Variants in GLB1L3 observed in about 807,000 individuals in gnomAD.
GLB1L3 encodes galactosidase beta 1 like 3, also known as beta-galactosidase-1-like protein 3.
Under a neutral mutation model 89.5 loss-of-function variants are expected in GLB1L3, and 89 were observed. The ratio of observed to expected loss-of-function variants is 0.99; its 90% CI spans 0.84 to 1.19. The LOEUF (loss-of-function observed/expected upper bound fraction) is 1.19. Among genes scored for constraint, GLB1L3 ranks in the 50% most tolerant of loss-of-function variants. The pLI, the probability that GLB1L3 is intolerant of heterozygous loss-of-function variation, is 0.00. For missense variants in GLB1L3, 812 were observed against 813.3 expected (o/e 1.00, Z 0.02); for synonymous variants, 314 against 312.3 (o/e 1.01, Z -0.06).
At chr11:134,308,557 CACCACCACCACCACCAT>C in intron 10 of GLB1L3, among the ~76,000 whole-genome samples, 1 of 3,622 alleles carries the variant, frequency 2.8e-4, no homozygotes, top group Admixed American at 4.9e-3. Flanking sequence ...CCATCACCAT[CACCACCACCACCACCAT>C]CACCATCACC....
chr11:134,287,080 GA>G (rs368578976), intron 6 of GLB1L3: 19 of 151,702 alleles, frequency 1.3e-4, no homozygotes, highest in South Asian at 4.2e-4. Context: ...AGAATGACGT[GA>G]ACCCGGGAGG....
chr11:134,315,079 A>T (rs1942924658), intron 18 of GLB1L3, among the ~76,000 whole-genome samples: 1 of 152,212 alleles, frequency 6.6e-6, no homozygotes, highest in Admixed American at 6.5e-5. Flanking sequence ...CTTTATGTAA[A>T]TGGAATCATA....
chr11:134,310,944 A>G (rs1372501640), intron 12 of GLB1L3, 120 bp from the exon 13 acceptor site: 9 of 731,336 alleles, frequency 1.2e-5, no homozygotes, highest in Non-Finnish European at 4.8e-6. Flanking sequence ...CTCTTATACC[A>G]TGGATGACAT....
At chr11:134,282,326 C>T (rs1940742712) in intron 5 of GLB1L3, among the ~76,000 whole-genome samples, 2 of 152,082 alleles carry the variant, frequency 1.3e-5, no homozygotes, top group South Asian at 4.1e-4. Flanking sequence ...AGTTGTCATC[C>T]CCGATTCACA....
intron 18 of GLB1L3, among the ~76,000 whole-genome samples, chr11:134,315,193 C>T (rs1240732871): frequency 6.6e-6 from 1 of 152,164 alleles, no homozygotes; most frequent in Non-Finnish European, 1.5e-5. Flanking sequence ...GTATTGGGTT[C>T]ATTTAGTAAA....
intron 5 of GLB1L3, 124 bp from the exon 6 acceptor site, chr11:134,283,605 ACCCGAGTG>A (rs1358669629): frequency 3.0e-5 from 18 of 598,460 alleles, no homozygotes; most frequent in Middle Eastern, 4.4e-4. Context: ...TCTTTCCAGG[ACCCGAGTG>A]CTCCGGGACC....
chr11:134,280,639 T>C (rs2136107821), intron 3 of GLB1L3, among the ~76,000 whole-genome samples: 1 of 152,304 alleles, frequency 6.6e-6, no homozygotes, highest in East Asian at 1.9e-4. Context: ...AGCTATGTTG[T>C]AACTTACAAC....
Position 134,277,313 on chromosome 11 carries a change from T to C in GLB1L3, c.24-13T>C. The stretch of plus-strand genomic sequence containing the variant: ...AACCTTCCCCTTGTCACTGTTGTCC[T>C]TTCTCCTTTCAGCCCGTGTCTCTCC... On this transcript the variant is annotated splice_polypyrimidine_tract_variant and intron_variant, in intron 1 of 19. Coordinates refer to ENST00000431683, the MANE Select transcript of GLB1L3 (RefSeq NM_001080407.3). The C allele has an allele frequency of 1.9e-6, 3 of 1,613,896 alleles. No individual in the cohort carries two copies. Among genetic ancestry groups the C allele is most frequent in the Non-Finnish European group, 2.5e-6 (3 of 1,179,876 alleles).
chr11:134,309,598 C>T (rs1942620522), intron 10 of GLB1L3, 28 bp from the exon 11 acceptor site: 3 of 1,536,034 alleles, frequency 2.0e-6, no homozygotes, highest in African/African-American at 1.4e-5. Flanking sequence ...TTCTAACATT[C>T]TCTGTGTTCT....
chr11:134,312,563 T>C, intron 14 of GLB1L3, 74 bp downstream of exon 14: 3 of 1,549,724 alleles, frequency 1.9e-6, no homozygotes, highest in Non-Finnish European at 2.6e-6. Flanking sequence ...GGTAGTTGAC[T>C]GAAGGATGCA....
intron 1 of GLB1L3, 132 bp downstream of exon 1, chr11:134,276,895 C>A: frequency 1.2e-6 from 1 of 801,378 alleles, no homozygotes; most frequent in Non-Finnish European, 1.7e-6. Flanking sequence ...CCACCAAGCC[C>A]GCTGTCCCCA....
chr11:134,283,974 G>A, intron 6 of GLB1L3, 129 bp downstream of exon 6: 2 of 645,728 alleles, frequency 3.1e-6, no homozygotes, highest in South Asian at 3.7e-5. Context: ...GTAACCTTGA[G>A]TTCTGGACCC....
chr11:134,313,252 C>A, intron 15 of GLB1L3, 144 bp from the exon 16 acceptor site: 1 of 642,684 alleles, frequency 1.6e-6, no homozygotes, highest in Non-Finnish European at 2.8e-6. Context: ...ACAAGGCAGT[C>A]CTTAGGTGAA....
In GLB1L3 at chr11:134,277,355, GCATCTTTTTCCTGCCATTTATCT is replaced by G; in HGVS notation, c.58_80del (p.Phe20ArgfsTer7). On this transcript the variant is annotated frameshift_variant, in exon 2 of 20. Transcript: ENST00000431683. LOFTEE classifies it high-confidence loss of function. ...TGTCTCTCCTGGAAGAGAATGGCGG[GCATCTTTTTCCTGCCATTTATCT>G]CATCAGGTTTTGCTCCTCGGTTTAA... is the stretch of plus-strand genomic sequence containing the variant. 6.2e-7 allele frequency: 1 copy of G among 1,613,918 alleles called. No individual in the cohort carries two copies. Among genetic ancestry groups the G allele is most frequent in the Non-Finnish European group, 8.5e-7 (1 of 1,179,878 alleles).
intron 13 of GLB1L3, 60 bp from the exon 14 acceptor site, chr11:134,312,288 AG>A: frequency 2.5e-6 from 4 of 1,583,556 alleles, no homozygotes; most frequent in Non-Finnish European, 3.4e-6. Flanking sequence ...ACAGGGTCTT[AG>A]GAAGGAGGAT....
In GLB1L3 at chr11:134,310,668, TA is replaced by T; in HGVS notation, c.1180+19del. The T allele has an allele frequency of 6.3e-7, 1 of 1,588,336 alleles. No homozygotes were observed. The highest frequency in any genetic ancestry group is 8.6e-7 in the Non-Finnish European group (1 of 1,157,158). ...CTGTCTCAGGTACTCAGCACCCATT[TA>T]ACTTACGGGCCAGCCCTCCTCATGT... On this transcript the variant is annotated intron_variant, in intron 12 of 19. Transcript: ENST00000431683.
At chr11:134,276,869 G>A in intron 1 of GLB1L3, 106 bp downstream of exon 1, 2 of 938,654 alleles carry the variant, frequency 2.1e-6, no homozygotes, top group Non-Finnish European at 2.8e-6. Context: ...CCAGGCACGC[G>A]CCGCGCCGGG....
At chr11:134,294,923 C>A (rs1005346532) in intron 9 of GLB1L3, among the ~76,000 whole-genome samples, 1 of 152,126 alleles carries the variant, frequency 6.6e-6, no homozygotes, top group Non-Finnish European at 1.5e-5. Flanking sequence ...AATACAGTGA[C>A]TGTGGTTTTT....
chr11:134,310,908 C>T (rs1942699334), intron 12 of GLB1L3, 156 bp from the exon 13 acceptor site: 8 of 661,196 alleles, frequency 1.2e-5, no homozygotes, highest in Middle Eastern at 3.0e-4. Flanking sequence ...GTGATGACTG[C>T]GAAGATTGAG....
Sources: allele counts gnomAD v4.1 joint callset (sites outside exome capture counted in the v4.1 genomes callset), GRCh38; gene constraint gnomAD v4.1.1; transcripts MANE v1.5; gene names NCBI Gene and HGNC (gene_info 2026-07-23, HGNC 2026-07-21).